The following ESRP2 variants were observed in gnomAD, a reference collection of about 807,000 sequenced individuals.
The protein encoded by ESRP2 is epithelial splicing regulatory protein 2.
Under a neutral mutation model 78.6 loss-of-function variants are expected in ESRP2, and 48 were observed. That is an observed-to-expected ratio of 0.61 (90% confidence interval 0.48 to 0.78). The LOEUF (loss-of-function observed/expected upper bound fraction) is 0.78, where lower values mean the gene tolerates loss of function less well. Among genes scored for constraint, ESRP2 ranks in the 30% least tolerant of loss-of-function variants. The probability of loss-of-function intolerance (pLI) is 0.00; values close to 1 mark genes in which losing one functional copy is unlikely to be tolerated. For synonymous variants in ESRP2, 383 were observed against 406.7 expected, an observed-to-expected ratio of 0.94 and a Z score of 0.70; for missense variants, 863 against 965.9, an observed-to-expected ratio of 0.89 and a Z score of 1.41.
At position 68,232,534 on chromosome 16, in the gene ESRP2, G is replaced by A; in HGVS notation, c.822-31C>T. The A allele has an allele frequency of 6.2e-7, 1 of 1,614,066 alleles. No homozygotes were observed. Among genetic ancestry groups the A allele is most frequent in the Non-Finnish European group, 8.5e-7 (1 of 1,180,012 alleles). ...GAGCCAGTGCTGTTAGTGCCTCCTGGGTAGGCCTGTCCAATTGGGCCCACC... is the reference window on the plus strand; with the variant it reads ...GAGCCAGTGCTGTTAGTGCCTCCTGAGTAGGCCTGTCCAATTGGGCCCACC... On this transcript the variant is annotated intron_variant, in intron 7 of 14. Transcript: ENST00000473183. The surrounding 1 kb of genome is among the most constrained non-coding windows in gnomAD (Gnocchi z 5.2).
chr16:68,233,209 AAAAAAG>A, intron 5 of ESRP2, 112 bp downstream of exon 5: 4 of 734,664 alleles, frequency 5.4e-6, no homozygotes, highest in Non-Finnish European at 2.3e-6. Flanking sequence ...AAAAAAAAAA[AAAAAAG>A]AAATGACAAA....
Position 68,235,082 on chromosome 16 carries a change from C to G in ESRP2, c.327+552G>C. The G allele has an allele frequency of 8.2e-6, 8 of 980,888 alleles. No individual in the cohort carries two copies. The highest frequency in any genetic ancestry group is 9.7e-6 in the Non-Finnish European group (8 of 824,974). The allele number at this position is 980,888 out of a possible 1,614,324, so 60.8% of individuals were successfully genotyped here. A position where few individuals can be genotyped will look rare whatever the true frequency, so the allele number is the denominator to read the frequency against. On this transcript the variant is annotated intron_variant, in intron 2 of 14. Coordinates refer to ENST00000473183, the MANE Select transcript of ESRP2 (RefSeq NM_024939.3). This position sits in a 1 kb window ranked among gnomAD's most constrained non-coding sequence, Gnocchi z 5.5. The stretch of plus-strand genomic sequence containing the variant: ...AGGCACCCCAGGCCTTTGCACTCAG[C>G]AGGCAGATAGTCCCCCAGGCCAGGC...
Position 68,231,995 on chromosome 16 carries a change from C to T in ESRP2, c.1106G>A (p.Gly369Glu), listed in dbSNP as rs2042147683. Residue 369 changes from glycine (G) to glutamate (E), a missense_variant, in exon 10 of 15, where the codon GGG becomes GAG. Transcript: ENST00000473183. This position sits in a 1 kb window ranked among gnomAD's most constrained non-coding sequence, Gnocchi z 6.0. ...AGPTDVLGFL[G>E]PECPVTGGTE... ...ACCCCCAGTCACTGGGCACTCTGGC[C>T]CCAGGAAGCCAAGCACGTCCGTTGG... 1 of 1,613,982 alleles carries T rather than the reference C, an allele frequency of 6.2e-7. No individual in the cohort carries two copies. Among genetic ancestry groups the T allele is most frequent in the African/African-American group, 1.3e-5 (1 of 74,888 alleles).
Position 68,232,603 on chromosome 16 carries a change from G to C in ESRP2, c.795C>G (p.Arg265=). ...TGGCCACGTTGAGCCCTTTGAAGAA[G>C]CGAGCCACGTCCTGGTCTGATGACT... ...PWQSSDQDVA[R]FFKGLNVARG... Residue 265 remains arginine, a synonymous_variant, in exon 7 of 15, where the codon CGC becomes CGG. Coordinates refer to ENST00000473183, the MANE Select transcript of ESRP2 (RefSeq NM_024939.3). This position sits in a 1 kb window ranked among gnomAD's most constrained non-coding sequence, Gnocchi z 5.2. The C allele has an allele frequency of 6.2e-7, 1 of 1,614,132 alleles. No individual in the cohort carries two copies. The highest frequency in any genetic ancestry group is 8.5e-7 in the Non-Finnish European group (1 of 1,180,032).
chr16:68,235,913 G>A lies in ESRP2; in HGVS notation c.133C>T (p.Leu45=). 3.1e-6 allele frequency: 5 copies of A among 1,609,194 alleles called. No homozygotes were observed. Among genetic ancestry groups the A allele is most frequent in the Non-Finnish European group, 4.2e-6 (5 of 1,178,610 alleles). Residue 45 remains leucine, a synonymous_variant, in exon 1 of 15, where the codon CTG becomes TTG. Coordinates refer to ENST00000473183, the MANE Select transcript of ESRP2 (RefSeq NM_024939.3). This position sits in a 1 kb window ranked among gnomAD's most constrained non-coding sequence, Gnocchi z 5.5. ...ATTAAGTCGGTCTCGTCCGAGCCCAGGTCCCGTCCCAGCGCACCCGCCGTA... is the reference window on the plus strand; with the variant it reads ...ATTAAGTCGGTCTCGTCCGAGCCCAAGTCCCGTCCCAGCGCACCCGCCGTA... The part of the protein sequence containing the change: ...GATAGALGRD[L]GSDETDLILL...
In ESRP2 at chr16:68,231,828, G is replaced by C. The variant is rs1421230974; in HGVS notation, c.1273C>G (p.Arg425Gly). 3.1e-6 allele frequency: 5 copies of C among 1,612,840 alleles called. No homozygotes were observed. The African/African-American group carries it at 4.0e-5, about 13-fold the overall frequency. ...TGCTGCACTTCGGCTGCAGTGCTCC[G>C]GAAGAGTTCAATGTATCGCTTACCC... is the stretch of plus-strand genomic sequence containing the variant. ...MLGKRYIELF[R>G]STAAEVQQVL... Residue 425 changes from arginine (R) to glycine (G), a missense_variant, in exon 10 of 15, where the codon CGG (arginine) becomes GGG (glycine). Coordinates refer to ENST00000473183, the MANE Select transcript of ESRP2 (RefSeq NM_024939.3). The surrounding 1 kb of genome is among the most constrained non-coding windows in gnomAD (Gnocchi z 6.0).
intron 13 of ESRP2, 105 bp from the exon 14 acceptor site, chr16:68,230,659 C>A: frequency 1.4e-6 from 2 of 1,438,980 alleles, no homozygotes; most frequent in Non-Finnish European, 1.9e-6. Context: ...TTCAGTTCCT[C>A]CCTGAAGCCC....
In ESRP2 at chr16:68,230,913, G is replaced by C. The variant is rs1399418255; in HGVS notation, c.1826C>G (p.Ala609Gly). The C allele has an allele frequency of 6.2e-7, 1 of 1,613,736 alleles. No individual in the cohort carries two copies. The highest frequency in any genetic ancestry group is 1.3e-5 in the African/African-American group (1 of 74,868). ...ALLPAARVPAAPTPVAYYPGP... is the reference protein window; with the variant it reads ...ALLPAARVPAGPTPVAYYPGP... ...TGGATAGTAGGCAACAGGGGTGGGG[G>C]CAGCAGGCACCCTGGCAGCTGGGAG... The change falls in exon 13 of 15, where the codon GCC (alanine) becomes GGC (glycine). Residue 609 changes from alanine (A) to glycine (G), a missense_variant. Ala to Gly is a moderately conservative substitution (Grantham distance 60, BLOSUM62 0). Coordinates refer to ENST00000473183, the MANE Select transcript of ESRP2 (RefSeq NM_024939.3).
At chr16:68,233,214 A>G in intron 5 of ESRP2, 113 bp downstream of exon 5, 2 of 730,378 alleles carry the variant, frequency 2.7e-6, no homozygotes, top group Admixed American at 2.6e-5. Flanking sequence ...AAAAAAAAAA[A>G]GAAATGACAA....
chr16:68,231,778 G>A lies in ESRP2; in HGVS notation c.1299+24C>T, dbSNP rs1229164094. On this transcript the variant is annotated intron_variant, in intron 10 of 14. Transcript: ENST00000473183. This position sits in a 1 kb window ranked among gnomAD's most constrained non-coding sequence, Gnocchi z 6.0. ...CGCCCTGGAGTAACAGTACATCTGG[G>A]GGTGGGGAGCCCTGGGCGCTCACCT... 1.2e-6 allele frequency: 2 copies of A among 1,604,050 alleles called. No homozygotes were observed. Among genetic ancestry groups the A allele is most frequent in the Admixed American group, 1.7e-5 (1 of 59,736 alleles).
chr16:68,229,851 C>G lies in ESRP2; in HGVS notation c.*375G>C. ...TCCCAGGAGTCATACATTGAAGGTACCAGAGCTTCCATTTTATAAAAGAAA... is the reference window on the plus strand; with the variant it reads ...TCCCAGGAGTCATACATTGAAGGTAGCAGAGCTTCCATTTTATAAAAGAAA... On this transcript the variant is annotated 3_prime_UTR_variant, in exon 15 of 15. Transcript: ENST00000473183. The G allele has an allele frequency of 4.0e-6, 1 of 252,204 alleles. No individual in the cohort carries two copies. Among genetic ancestry groups the G allele is most frequent in the Non-Finnish European group, 7.9e-6 (1 of 126,530 alleles). 15.6% of individuals were successfully genotyped at this position (252,204 alleles called of 1,614,324 possible).
rs376539096 is a variant in ESRP2 at position 68,230,183 on chromosome 16, T to A, written c.*43A>T. The stretch of plus-strand genomic sequence containing the variant: ...TCTTCTGGACTCAGGAGAGACATGT[T>A]CGCCGAGGATATCAGCTGGCTCTTA... On this transcript the variant is annotated 3_prime_UTR_variant, in exon 15 of 15. Coordinates refer to ENST00000473183, the MANE Select transcript of ESRP2 (RefSeq NM_024939.3). The A allele has an allele frequency of 1.3e-6, 2 of 1,576,768 alleles. No homozygotes were observed. The highest frequency in any genetic ancestry group is 1.3e-5 in the African/African-American group (1 of 74,256).
rs114937364 is a variant in ESRP2, at chr16:68,232,696, G to A, written c.711-9C>T. On this transcript the variant is annotated splice_polypyrimidine_tract_variant and intron_variant, in intron 6 of 14. Transcript: ENST00000473183. This position sits in a 1 kb window ranked among gnomAD's most constrained non-coding sequence, Gnocchi z 5.2. The stretch of plus-strand genomic sequence containing the variant: ...CCACATCAGCCTTGCTGCTGTAGGG[G>A]CAGGGCACAGTGCTGTCAGAGCTAT... The A allele has an allele frequency of 1.1e-3, 1,853 of 1,614,210 alleles. 22 individuals are homozygous for A. The African/African-American group carries it at 0.022, about 19-fold the overall frequency.
Position 68,230,556 on chromosome 16 carries a change from T to C in ESRP2, c.1899-2A>G. 6.4e-7 allele frequency: 1 copy of C among 1,559,442 alleles called. No homozygotes were observed. The highest frequency in any genetic ancestry group is 8.7e-7 in the Non-Finnish European group (1 of 1,151,630). Reference sequence around the variant, plus strand: ...ACAGTGGTGGGGGAGACTGGGGGGCTAGGGTGGGAGAGACAAGGTTTAGTC... The same window carrying C: ...ACAGTGGTGGGGGAGACTGGGGGGCCAGGGTGGGAGAGACAAGGTTTAGTC... On this transcript the variant is annotated splice_acceptor_variant, in intron 13 of 14. Coordinates refer to ENST00000473183, the MANE Select transcript of ESRP2 (RefSeq NM_024939.3). LOFTEE classifies it high-confidence loss of function.
chr16:68,230,152 T>G lies in ESRP2; in HGVS notation c.*74A>C, dbSNP rs2042106132. 2 of 1,400,592 alleles carry G rather than the reference T, an allele frequency of 1.4e-6. No homozygotes were observed. Among genetic ancestry groups the G allele is most frequent in the Non-Finnish European group, 2.0e-6 (2 of 987,128 alleles). The allele number at this position is 1,400,592 out of a possible 1,614,324, so 86.8% of individuals were successfully genotyped here. A position where few individuals can be genotyped will look rare whatever the true frequency, so the allele number is the denominator to read the frequency against. Reference sequence around the variant, plus strand: ...CAGAAAGAAGCTACCAGGTTGAGGGTGCTGGTCTTCTGGACTCAGGAGAGA... The same window carrying G: ...CAGAAAGAAGCTACCAGGTTGAGGGGGCTGGTCTTCTGGACTCAGGAGAGA... On this transcript the variant is annotated 3_prime_UTR_variant, in exon 15 of 15. Transcript: ENST00000473183.
At chr16:68,233,921 C>T in intron 3 of ESRP2, 39 bp from the exon 4 acceptor site, 1 of 1,599,040 alleles carries the variant, frequency 6.3e-7, no homozygotes, top group East Asian at 2.2e-5. Context: ...GCCCTGCCCA[C>T]CCTCAGGACA....
chr16:68,231,379 G>T lies in ESRP2; in HGVS notation c.1513-3C>A, dbSNP rs1338873631. The T allele has an allele frequency of 6.2e-7, 1 of 1,614,044 alleles. No homozygotes were observed. Among genetic ancestry groups the T allele is most frequent in the Non-Finnish European group, 8.5e-7 (1 of 1,179,986 alleles). Reference sequence around the variant, plus strand: ...AAGGCATCGCCCGATGGCCGGCCCTGTGCACACCATCTTGTGAGCAGTTTG... The same window carrying T: ...AAGGCATCGCCCGATGGCCGGCCCTTTGCACACCATCTTGTGAGCAGTTTG... On this transcript the variant is annotated splice_region_variant and splice_polypyrimidine_tract_variant and intron_variant, in intron 11 of 14. Coordinates refer to ENST00000473183, the MANE Select transcript of ESRP2 (RefSeq NM_024939.3). The surrounding 1 kb of genome is among the most constrained non-coding windows in gnomAD (Gnocchi z 6.0).
Position 68,233,859 on chromosome 16 carries a change from G to T in ESRP2, c.465C>A (p.Phe155Leu), listed in dbSNP as rs2042183530. Reference protein sequence around the residue: ...SRKNLVLPDMFFSFYDLRREF... With the variant: ...SRKNLVLPDMLFSFYDLRREF... ...CTCTTCGGAGGTCATAGAAGGAGAAGAACATGTCGGGGAGCACCAGGTTCT... is the reference window on the plus strand; with the variant it reads ...CTCTTCGGAGGTCATAGAAGGAGAATAACATGTCGGGGAGCACCAGGTTCT... The change falls in exon 4 of 15, where the codon TTC (phenylalanine) becomes TTA (leucine). Residue 155 changes from phenylalanine to leucine, a missense_variant. Phe to Leu is a conservative substitution (Grantham distance 22). Transcript: ENST00000473183. 1 of 1,614,058 alleles carries T rather than the reference G, an allele frequency of 6.2e-7. No homozygotes were observed.
In ESRP2 at chr16:68,229,055, G is replaced by A. The variant is rs11043; in HGVS notation, c.*1171C>T. The A allele has an allele frequency of 0.17, 26,301 of 152,140 alleles. 2,702 individuals carry two copies. Among genetic ancestry groups the A allele is most frequent in the African/African-American group, 0.28 (11,646 of 41,482 alleles). 9.4% of individuals were successfully genotyped at this position (152,140 alleles called of 1,614,324 possible). A position where few individuals can be genotyped will look rare whatever the true frequency, so the allele number is the denominator to read the frequency against. ...AGATGGGCTCAAATTGAAACCTTGT[G>A]TTTTATAAAATGGATGTTTAGTAAA... is the stretch of plus-strand genomic sequence containing the variant. On this transcript the variant is annotated 3_prime_UTR_variant, in exon 15 of 15. Coordinates refer to ENST00000473183, the MANE Select transcript of ESRP2 (RefSeq NM_024939.3).
Sources: allele counts gnomAD v4.1 joint callset, GRCh38; gene constraint gnomAD v4.1.1; non-coding constraint Gnocchi (gnomAD v3.1); transcripts MANE v1.5; gene names NCBI Gene and HGNC (gene_info 2026-07-23, HGNC 2026-07-21).